Variants in RALGPS1 observed in about 807,000 individuals in gnomAD.
The protein encoded by RALGPS1 is ras-specific guanine nucleotide-releasing factor RalGPS1.
A neutral mutation model predicts 78.8 loss-of-function variants in RALGPS1; 19 were observed. The observed-to-expected ratio is 0.24, with a 90% CI of 0.17 to 0.35. The LOEUF (loss-of-function observed/expected upper bound fraction) is 0.35. RALGPS1 is among the 10% of genes least tolerant of loss of function. The probability of loss-of-function intolerance (pLI) is 1.00; values close to 1 mark genes in which losing one functional copy is unlikely to be tolerated. For missense variants in RALGPS1, 454 were observed against 688.3 expected (o/e 0.66, Z 3.81); for synonymous variants, 228 against 256.3 (o/e 0.89, Z 1.06).
intron 11 of RALGPS1, among the ~76,000 whole-genome samples, chr9:127,190,042 A>C (rs967497255): frequency 6.6e-5 from 10 of 152,218 alleles, no homozygotes; most frequent in Non-Finnish European, 1.0e-4. Flanking sequence ...AGCAGTTAAC[A>C]TTTTGCCAGG....
At chr9:127,217,638 T>G (rs1321870926) in intron 18 of RALGPS1, 1 of 162,770 alleles carries the variant, frequency 6.1e-6, no homozygotes, top group Non-Finnish European at 1.3e-5. Flanking sequence ...ATGCTGTCCC[T>G]CACCATGGCC....
intron 7 of RALGPS1, among the ~76,000 whole-genome samples, chr9:127,057,232 T>G (rs1488509206): frequency 6.6e-6 from 1 of 152,058 alleles, no homozygotes; most frequent in African/African-American, 2.4e-5. Context: ...CCTACACTGC[T>G]TGGGAAATGG....
chr9:126,957,030 C>T (rs2038410742), intron 1 of RALGPS1, among the ~76,000 whole-genome samples: 2 of 152,244 alleles, frequency 1.3e-5, no homozygotes, highest in African/African-American at 4.8e-5. Flanking sequence ...CACATTACCT[C>T]ACTGTGCTTC....
intron 8 of RALGPS1, among the ~76,000 whole-genome samples, chr9:127,104,261 T>C (rs529212369): frequency 1.3e-5 from 2 of 152,334 alleles, no homozygotes; most frequent in East Asian, 3.9e-4. Flanking sequence ...GCAGCTGCTG[T>C]TGGCGCTGTC....
At chr9:127,146,542 C>CTTTT (rs60707997) in intron 8 of RALGPS1, among the ~76,000 whole-genome samples, 184 of 130,828 alleles carry the variant, frequency 1.4e-3, no homozygotes, top group African/African-American at 4.7e-3. Context: ...GTGCATGTGT[C>CTTTT]TTTTTTTTTT....
At chr9:127,063,753 T>C (rs981260815) in intron 7 of RALGPS1, among the ~76,000 whole-genome samples, 2 of 152,256 alleles carry the variant, frequency 1.3e-5, no homozygotes, top group African/African-American at 4.8e-5. Flanking sequence ...CCTAATGTGC[T>C]TTTGGCCTCA....
rs532531031 is a variant in RALGPS1, at chr9:127,006,029, C to G, written c.216+28284C>G. 1.9e-3 allele frequency among the ~76,000 whole-genome samples: 287 copies of G among 152,306 alleles called. 2 individuals are homozygous for G. The highest frequency in any genetic ancestry group is 5.8e-3 in the South Asian group (28 of 4,822). ...CCAACATCTCTTCATGCTAAAAACA[C>G]TCAACAAACTGGGCATCAAAGGAAC... On this transcript the variant is annotated intron_variant, in intron 4 of 18. Coordinates refer to ENST00000259351, the MANE Select transcript of RALGPS1 (RefSeq NM_014636.3).
intron 7 of RALGPS1, 93 bp downstream of exon 7, chr9:127,053,032 T>A (rs2048421957): frequency 2.2e-6 from 2 of 917,468 alleles, no homozygotes; most frequent in Non-Finnish European, 3.5e-6. Context: ...TCTTACTGTC[T>A]ATACTTTGCC....
At chr9:127,130,405 T>A (rs1367206327) in intron 8 of RALGPS1, among the ~76,000 whole-genome samples, 3 of 152,218 alleles carry the variant, frequency 2.0e-5, no homozygotes, top group Non-Finnish European at 4.4e-5. Flanking sequence ...CCTCTGAAGG[T>A]CATCAGTCAT....
Position 127,218,600 on chromosome 9 carries a change from T to C in RALGPS1, c.1645-140T>C. 1 of 848,412 alleles carries C rather than the reference T, an allele frequency of 1.2e-6. No homozygotes were observed. Among genetic ancestry groups the C allele is most frequent in the Non-Finnish European group, 2.0e-6 (1 of 493,028 alleles). The allele number at this position is 848,412 out of a possible 1,614,324, so 52.6% of individuals were successfully genotyped here. On this transcript the variant is annotated intron_variant, in intron 18 of 18. Transcript: ENST00000259351. The surrounding 1 kb of genome is among the most constrained non-coding windows in gnomAD (Gnocchi z 4.4). Reference sequence around the variant, plus strand: ...GCCACTTCACATGGGGTGGCTATTGTTATTGCCATACCCTCTCCCTACCCA... The same window carrying C: ...GCCACTTCACATGGGGTGGCTATTGCTATTGCCATACCCTCTCCCTACCCA...
intron 4 of RALGPS1, chr9:127,016,746 A>C (rs886304021): frequency 2.0e-5 from 3 of 152,180 alleles, no homozygotes; most frequent in African/African-American, 7.2e-5. Context: ...TCATCTGTTC[A>C]GTCTTCCTAC....
intron 4 of RALGPS1, among the ~76,000 whole-genome samples, chr9:126,993,120 T>A (rs1158178700): frequency 6.6e-6 from 1 of 152,270 alleles, no homozygotes; most frequent in Non-Finnish European, 1.5e-5. Flanking sequence ...TTCCTGCATC[T>A]ATTGACATAA....
intron 8 of RALGPS1, among the ~76,000 whole-genome samples, chr9:127,154,361 A>C (rs1341606498): frequency 6.6e-6 from 1 of 152,206 alleles, no homozygotes; most frequent in Non-Finnish European, 1.5e-5. Context: ...GCCCCTGCCC[A>C]CTGAAAGCCT....
chr9:127,129,471 T>A (rs901086025), intron 8 of RALGPS1, among the ~76,000 whole-genome samples: 1 of 152,180 alleles, frequency 6.6e-6, no homozygotes, highest in African/African-American at 2.4e-5. Flanking sequence ...CTTACACAGG[T>A]ACCTGCTGAA....
chr9:127,104,175 C>G (rs1460667917), intron 8 of RALGPS1, among the ~76,000 whole-genome samples: 1 of 152,176 alleles, frequency 6.6e-6, no homozygotes, highest in Non-Finnish European at 1.5e-5. Context: ...TATTCTCTTT[C>G]TCAGGAGAGA....
intron 8 of RALGPS1, among the ~76,000 whole-genome samples, chr9:127,113,201 G>A (rs1380807841): frequency 1.3e-5 from 2 of 152,130 alleles, no homozygotes; most frequent in African/African-American, 2.4e-5. Flanking sequence ...TTTTATCAAC[G>A]GAGACATTGC....
intron 11 of RALGPS1, among the ~76,000 whole-genome samples, chr9:127,191,410 T>A (rs1196980659): frequency 3.9e-5 from 6 of 152,236 alleles, no homozygotes; most frequent in African/African-American, 1.4e-4. Context: ...TTTGTCTTTT[T>A]CCACATGGAA....
chr9:127,219,776 A>T lies in RALGPS1; in HGVS notation c.*1007A>T, dbSNP rs534519611. The T allele has an allele frequency of 1.3e-5, 2 of 152,854 alleles. No individual in the cohort carries two copies. Among genetic ancestry groups the T allele is most frequent in the African/African-American group, 2.4e-5 (1 of 41,580 alleles). The allele number at this position is 152,854 out of a possible 1,614,324, so 9.5% of individuals were successfully genotyped here. A position where few individuals can be genotyped will look rare whatever the true frequency, so the allele number is the denominator to read the frequency against. Reference sequence around the variant, plus strand: ...GCAGGGCAAAGCCTGTGCCCCCATCATCTCACTCCTTTGCCTGCACTGCCA... The same window carrying T: ...GCAGGGCAAAGCCTGTGCCCCCATCTTCTCACTCCTTTGCCTGCACTGCCA... On this transcript the variant is annotated 3_prime_UTR_variant, in exon 19 of 19. Transcript: ENST00000259351. The surrounding 1 kb of genome is among the most constrained non-coding windows in gnomAD (Gnocchi z 5.0).
intron 8 of RALGPS1, among the ~76,000 whole-genome samples, chr9:127,159,887 G>A (rs1395086797): frequency 6.6e-6 from 1 of 152,082 alleles, no homozygotes; most frequent in Admixed American, 6.5e-5. Context: ...CAGAGCAGGA[G>A]AACATGGAAA....
Sources: gnomAD v4.1 joint callset for allele counts (sites outside exome capture counted in the v4.1 genomes callset) on GRCh38, gnomAD v4.1.1 for gene constraint, Gnocchi (gnomAD v3.1) non-coding constraint, MANE v1.5 for transcripts, NCBI Gene and HGNC (gene_info 2026-07-23, HGNC 2026-07-21) for gene names.